Variants in ADAMTSL1 observed in about 807,000 individuals in gnomAD.
ADAMTSL1 encodes the protein ADAMTS like 1.
A neutral mutation model predicts 201.8 loss-of-function variants in ADAMTSL1; 126 were observed. The ratio of observed to expected loss-of-function variants is 0.62; its 90% CI spans 0.54 to 0.72. The LOEUF (loss-of-function observed/expected upper bound fraction) is 0.72. Among genes scored for constraint, ADAMTSL1 ranks in the 30% least tolerant of loss-of-function variants. ADAMTSL1 has a pLI of 0.00. For synonymous variants in ADAMTSL1, 1,121 were observed against 903.4 expected (o/e 1.24, Z -4.32); for missense variants, 2,679 against 2,277.8 (o/e 1.18, Z -3.59).
In ADAMTSL1 at chr9:18,581,490, C is replaced by G. The variant is rs77733556; in HGVS notation, c.474+7224C>G. On this transcript the variant is annotated intron_variant, in intron 4 of 28. Transcript: ENST00000380548. ...ACAAATATTCACCTGATCCCAATAT[C>G]CCAAAAGTTTTAACCCATTTCAGAG... Among the ~76,000 whole-genome samples, 543 of 152,240 alleles carry G rather than the reference C, an allele frequency of 3.6e-3. 4 individuals carry two copies. Among genetic ancestry groups the G allele is most frequent in the African/African-American group, 0.012 (508 of 41,548 alleles).
chr9:18,039,546 C>A (rs73643499), intron 1 of ADAMTSL1, among the ~76,000 whole-genome samples: 2 of 151,958 alleles, frequency 1.3e-5, no homozygotes, highest in African/African-American at 2.4e-5. Context: ...TTTCTTTCTA[C>A]GGAACAAACA....
At chr9:17,978,970 T>TC (rs1186767214) in intron 1 of ADAMTSL1, among the ~76,000 whole-genome samples, 1 of 151,654 alleles carries the variant, frequency 6.6e-6, no homozygotes, top group Non-Finnish European at 1.5e-5. Flanking sequence ...AGTTTTTTTT[T>TC]TTCTTTCAGC....
chr9:18,875,795 GTTTC>G lies in ADAMTSL1; in HGVS notation c.4250-12032_4250-12029del, dbSNP rs369658907. Among the ~76,000 whole-genome samples, 195 of 152,208 alleles carry G rather than the reference GTTTC, an allele frequency of 1.3e-3. 1 individual carries two copies. The East Asian group carries it at 0.017, about 13-fold the overall frequency. Reference sequence around the variant, plus strand: ...TTCTAGGTTATAGTTTAAGTTTATTGTTTCTTTGTTGACTGTCTTGATGACCTGT... The same window carrying G: ...TTCTAGGTTATAGTTTAAGTTTATTGTTTGTTGACTGTCTTGATGACCTGT... On this transcript the variant is annotated intron_variant, in intron 23 of 28. Coordinates refer to ENST00000380548, the MANE Select transcript of ADAMTSL1 (RefSeq NM_001040272.6).
At chr9:18,315,395 C>G (rs373673721) in intron 2 of ADAMTSL1, among the ~76,000 whole-genome samples, 1 of 151,918 alleles carries the variant, frequency 6.6e-6, no homozygotes, top group African/African-American at 2.4e-5. Flanking sequence ...CAGTGGCGCC[C>G]GTCAGGGAGG....
chr9:18,395,233 C>G (rs568522346), intron 2 of ADAMTSL1, among the ~76,000 whole-genome samples: 1 of 152,146 alleles, frequency 6.6e-6, no homozygotes, highest in Non-Finnish European at 1.5e-5. Context: ...AACAGTTCTC[C>G]AGGAAGCCAG....
intron 15 of ADAMTSL1, among the ~76,000 whole-genome samples, chr9:18,726,289 GAT>G (rs1390754069): frequency 1.3e-5 from 2 of 152,138 alleles, no homozygotes; most frequent in Non-Finnish European, 2.9e-5. Flanking sequence ...GATTGCTTAA[GAT>G]CGGGAGTTCA....
intron 1 of ADAMTSL1, among the ~76,000 whole-genome samples, chr9:18,027,256 T>G (rs2131596326): frequency 6.6e-6 from 1 of 151,998 alleles, no homozygotes; most frequent in South Asian, 2.1e-4. Context: ...TTCTGCTAGC[T>G]TGGGGGTTGA....
intron 2 of ADAMTSL1, among the ~76,000 whole-genome samples, chr9:18,250,399 T>C (rs1445398803): frequency 6.6e-6 from 1 of 152,222 alleles, no homozygotes; most frequent in Admixed American, 6.5e-5. Flanking sequence ...GGGGTACCAG[T>C]GAGGACTGTG....
chr9:18,652,750 A>G (rs1316236052), intron 7 of ADAMTSL1, among the ~76,000 whole-genome samples: 1 of 152,174 alleles, frequency 6.6e-6, no homozygotes, highest in Non-Finnish European at 1.5e-5. Flanking sequence ...TCAACTTAAG[A>G]TGGGTTTATC....
intron 1 of ADAMTSL1, among the ~76,000 whole-genome samples, chr9:17,993,168 T>C (rs1819231508): frequency 1.3e-5 from 2 of 152,130 alleles, no homozygotes; most frequent in Non-Finnish European, 2.9e-5. Flanking sequence ...ATCATAAAAA[T>C]GCTAGTAGGT....
chr9:18,103,605 A>G (rs1448365616), intron 1 of ADAMTSL1, among the ~76,000 whole-genome samples: 1 of 152,144 alleles, frequency 6.6e-6, no homozygotes, highest in African/African-American at 2.4e-5. Context: ...TTAGGGTGAG[A>G]ACTGCATATT....
In ADAMTSL1 at chr9:18,854,075, G is replaced by C. The variant is rs192898678; in HGVS notation, c.4249+24098G>C. Among the ~76,000 whole-genome samples, 767 of 152,260 alleles carry C rather than the reference G, an allele frequency of 5.0e-3. 5 individuals are homozygous for C. Among genetic ancestry groups the C allele is most frequent in the Middle Eastern group, 0.01 (3 of 294 alleles). ...TGTTTTAGAAAAGTTTGGGAAAGTGGAGTTCAGCTAATATTGTGGAAATTA... is the reference window on the plus strand; with the variant it reads ...TGTTTTAGAAAAGTTTGGGAAAGTGCAGTTCAGCTAATATTGTGGAAATTA... On this transcript the variant is annotated intron_variant, in intron 23 of 28. Transcript: ENST00000380548.
Position 18,699,173 on chromosome 9 carries a change from T to C in ADAMTSL1, c.1575-7574T>C, listed in dbSNP as rs527335391. Among the ~76,000 whole-genome samples the C allele has an allele frequency of 2.6e-5, 4 of 152,332 alleles. 1 individual carries two copies. The South Asian group carries it at 8.3e-4, about 32-fold the overall frequency. The stretch of plus-strand genomic sequence containing the variant: ...ACCCAACTTCCATCACTGAGCATTT[T>C]CTGCAAGAAAGACATTCAGGCATTC... On this transcript the variant is annotated intron_variant, in intron 13 of 28. Coordinates refer to ENST00000380548, the MANE Select transcript of ADAMTSL1 (RefSeq NM_001040272.6).
At chr9:18,056,485 C>T (rs1381500804) in intron 1 of ADAMTSL1, among the ~76,000 whole-genome samples, 1 of 152,052 alleles carries the variant, frequency 6.6e-6, no homozygotes, top group Non-Finnish European at 1.5e-5. Flanking sequence ...AGTAATTCCA[C>T]CTTCAGAGGG....
At chr9:18,473,627 C>G (rs956297172), upstream of ADAMTSL1, among the ~76,000 whole-genome samples, 27 of 152,130 alleles carry the variant, frequency 1.8e-4, no homozygotes, top group Admixed American at 1.6e-3. Context: ...CGAAATAAAA[C>G]AGTTGTACAG....
intron 24 of ADAMTSL1, among the ~76,000 whole-genome samples, chr9:18,888,945 G>A (rs1829069192): frequency 6.6e-6 from 1 of 152,168 alleles, no homozygotes; most frequent in Admixed American, 6.5e-5. Flanking sequence ...CCAGAAGCCA[G>A]GGCCTATTTG....
At chr9:18,809,175 G>A (rs902185117) in intron 20 of ADAMTSL1, among the ~76,000 whole-genome samples, 4 of 152,124 alleles carry the variant, frequency 2.6e-5, no homozygotes, top group African/African-American at 9.7e-5. Flanking sequence ...TATGAAAAAA[G>A]TAAAGTTGTC....
intron 2 of ADAMTSL1, among the ~76,000 whole-genome samples, chr9:18,232,171 A>C (rs1479338863): frequency 1.3e-5 from 2 of 151,762 alleles, no homozygotes; most frequent in African/African-American, 4.8e-5. Flanking sequence ...TCTTCTCCTC[A>C]CTCACTCTGC....
At chr9:18,598,524 A>C (rs1824418651) in intron 4 of ADAMTSL1, among the ~76,000 whole-genome samples, 1 of 152,114 alleles carries the variant, frequency 6.6e-6, no homozygotes. Context: ...ACCATTACTA[A>C]GTGCACTTCA....
Sources: allele counts gnomAD v4.1 joint callset (sites outside exome capture counted in the v4.1 genomes callset), GRCh38; gene constraint gnomAD v4.1.1; transcripts MANE v1.5; gene names NCBI Gene and HGNC (gene_info 2026-07-23, HGNC 2026-07-21).